GPC5: variants seen among roughly 807,000 people sequenced by gnomAD.
GPC5 encodes the protein glypican 5, also known as glypican-5.
GPC5 carries 47 observed loss-of-function variants against 53.9 expected under a neutral mutation model. The observed-to-expected ratio is 0.87, with a 90% confidence interval of 0.69 to 1.11. The LOEUF is 1.11. Among genes scored for constraint, GPC5 ranks in the 50% most tolerant of loss-of-function variants. The pLI is 0.00. For missense variants in GPC5, 748 were observed against 713.1 expected, an observed-to-expected ratio of 1.05 and a Z score of -0.56; for synonymous variants, 286 against 263.3, an observed-to-expected ratio of 1.09 and a Z score of -0.84.
chr13:92,319,185 T>G (rs190388151), intron 7 of GPC5, among the ~76,000 whole-genome samples: 142 of 152,254 alleles, frequency 9.3e-4, no homozygotes, highest in African/African-American at 3.3e-3. Context: ...GGAAATAATA[T>G]CTGTTGTATT....
intron 7 of GPC5, among the ~76,000 whole-genome samples, chr13:92,284,025 A>G (rs1017140855): frequency 6.6e-6 from 1 of 152,186 alleles, no homozygotes; most frequent in African/African-American, 2.4e-5. Context: ...AGAAGAATCA[A>G]ATAGACACAA....
At chr13:92,397,271 T>TG (rs138672507) in intron 7 of GPC5, among the ~76,000 whole-genome samples, 14,250 of 151,864 alleles carry the variant, frequency 0.094, 857 homozygotes, top group African/African-American at 0.17. Context: ...TCATGGGGGC[T>TG]GGGGGGGGTT....
At chr13:92,213,294 C>T (rs1158434942) in intron 7 of GPC5, among the ~76,000 whole-genome samples, 1 of 152,144 alleles carries the variant, frequency 6.6e-6, no homozygotes, top group Non-Finnish European at 1.5e-5. Context: ...CCTCCCGGAG[C>T]TTACAAATCA....
chr13:92,073,020 A>T (rs1216353588), intron 6 of GPC5, among the ~76,000 whole-genome samples: 1 of 132,186 alleles, frequency 7.6e-6, no homozygotes, highest in Non-Finnish European at 1.7e-5. Flanking sequence ...GTGTTTTCTC[A>T]TCTTACTTAA....
At position 92,825,728 on chromosome 13, in the gene GPC5, T is replaced by C. The variant is rs188469752; in HGVS notation, c.1562-40554T>C. 3.4e-3 allele frequency among the ~76,000 whole-genome samples: 524 copies of C among 152,260 alleles called. 1 individual carries two copies. The highest frequency in any genetic ancestry group is 5.9e-3 in the Non-Finnish European group (398 of 68,016). ...TCTGATTCTCCTCACTATACTATGT[T>C]TATGGGTATTCTTTCATTGTTCTTT... On this transcript the variant is annotated intron_variant, in intron 7 of 7. Transcript: ENST00000377067.
At chr13:92,663,915 CACAA>C (rs1886480135) in intron 7 of GPC5, among the ~76,000 whole-genome samples, 2 of 129,064 alleles carry the variant, frequency 1.5e-5, no homozygotes, top group Non-Finnish European at 1.6e-5. Context: ...CACACACACA[CACAA>C]AAATTAGCTC....
chr13:91,581,253 G>C (rs1034552006), intron 2 of GPC5, among the ~76,000 whole-genome samples: 1 of 152,184 alleles, frequency 6.6e-6, no homozygotes, highest in Non-Finnish European at 1.5e-5. Flanking sequence ...ACTATATTCT[G>C]TGTACTCTAA....
At chr13:92,157,638 A>C (rs2041954726) in intron 7 of GPC5, among the ~76,000 whole-genome samples, 1 of 152,212 alleles carries the variant, frequency 6.6e-6, no homozygotes, top group Admixed American at 6.5e-5. Context: ...TTAGGGGCTT[A>C]TGTTAGGAAG....
At chr13:91,572,784 G>T (rs917086736) in intron 2 of GPC5, among the ~76,000 whole-genome samples, 6 of 152,180 alleles carry the variant, frequency 3.9e-5, no homozygotes, top group Admixed American at 3.9e-4. Context: ...CCCAAAAAAA[G>T]ATAGTCATAA....
chr13:92,694,119 A>T (rs904290784), intron 7 of GPC5, among the ~76,000 whole-genome samples: 2 of 152,188 alleles, frequency 1.3e-5, no homozygotes, highest in African/African-American at 4.8e-5. Context: ...TATGCAGAAG[A>T]CAAGGGAGCA....
At chr13:92,421,647 T>A (rs1453614962) in intron 7 of GPC5, among the ~76,000 whole-genome samples, 4 of 133,628 alleles carry the variant, frequency 3.0e-5, no homozygotes, top group African/African-American at 1.2e-4. Flanking sequence ...TGCAGTGAGC[T>A]GAGATCGCGC....
At chr13:92,432,428 T>G (rs1437804041) in intron 7 of GPC5, among the ~76,000 whole-genome samples, 1 of 143,596 alleles carries the variant, frequency 7.0e-6, no homozygotes, top group Non-Finnish European at 1.5e-5. Context: ...GCAGGCTCAC[T>G]GCAAGCTCCG....
intron 2 of GPC5, among the ~76,000 whole-genome samples, chr13:91,590,112 T>C (rs1224673015): frequency 6.6e-6 from 1 of 151,668 alleles, no homozygotes; most frequent in Non-Finnish European, 1.5e-5. Flanking sequence ...TGCTATTTAT[T>C]TGCGTTATAG....
intron 7 of GPC5, among the ~76,000 whole-genome samples, chr13:92,823,153 C>T (rs1276229922): frequency 6.6e-6 from 1 of 152,074 alleles, no homozygotes; most frequent in Non-Finnish European, 1.5e-5. Flanking sequence ...ATTGCTGCCA[C>T]TTAAACTGAA....
At chr13:92,745,605 G>T (rs892691841) in intron 7 of GPC5, among the ~76,000 whole-genome samples, 4 of 152,122 alleles carry the variant, frequency 2.6e-5, no homozygotes, top group Non-Finnish European at 4.4e-5. Context: ...GGGTAAAATA[G>T]CATTTACTTA....
intron 7 of GPC5, among the ~76,000 whole-genome samples, chr13:92,160,669 T>C (rs1175911603): frequency 6.6e-6 from 1 of 152,160 alleles, no homozygotes; most frequent in Non-Finnish European, 1.5e-5. Context: ...TCAGTGAGAT[T>C]ACTATATAAA....
chr13:91,487,618 T>G (rs1004936640), intron 2 of GPC5, among the ~76,000 whole-genome samples: 1 of 152,218 alleles, frequency 6.6e-6, no homozygotes, highest in Non-Finnish European at 1.5e-5. Context: ...TGAAATTCTC[T>G]GGGAGCCTTT....
chr13:91,773,391 T>C (rs1001300714), intron 5 of GPC5, among the ~76,000 whole-genome samples: 1 of 152,116 alleles, frequency 6.6e-6, no homozygotes, highest in Non-Finnish European at 1.5e-5. Context: ...AATAGACTGC[T>C]GAGTAACTAA....
chr13:92,363,138 A>G (rs2043581380), intron 7 of GPC5, among the ~76,000 whole-genome samples: 1 of 151,742 alleles, frequency 6.6e-6, no homozygotes, highest in Non-Finnish European at 1.5e-5. Context: ...CAAAAGCATG[A>G]GAGGTAACTA....
Sources: gnomAD v4.1 joint callset for allele counts (sites outside exome capture counted in the v4.1 genomes callset) on GRCh38, gnomAD v4.1.1 for gene constraint, MANE v1.5 for transcripts, NCBI Gene and HGNC (gene_info 2026-07-23, HGNC 2026-07-21) for gene names.